The following SLIT3 variants were observed in gnomAD, a reference collection of about 807,000 sequenced individuals.
SLIT3 encodes slit homolog 3 protein.
SLIT3 carries 68 observed loss-of-function variants against 184.0 expected under a neutral mutation model. The ratio of observed to expected loss-of-function variants is 0.37; its 90% CI spans 0.30 to 0.45. The LOEUF is 0.45. SLIT3 is among the 20% of genes least tolerant of loss of function. SLIT3 has a pLI of 1.00. For synonymous variants in SLIT3, 831 were observed against 828.6 expected (o/e 1.00, Z -0.05); for missense variants, 1,707 against 2,026.0 (o/e 0.84, Z 3.02).
chr5:168,710,886 G>A lies in SLIT3; in HGVS notation c.2719+9C>T, dbSNP rs368724395. ...GGGCAGGGGAGGGTGGGGTGTGGGCGTCACCTACCTTTGCACTGGAAGCGG... is the reference window on the plus strand; with the variant it reads ...GGGCAGGGGAGGGTGGGGTGTGGGCATCACCTACCTTTGCACTGGAAGCGG... On this transcript the variant is annotated intron_variant, in intron 25 of 35. Coordinates refer to ENST00000519560, the MANE Select transcript of SLIT3 (RefSeq NM_003062.4). The A allele has an allele frequency of 3.7e-4, 564 of 1,513,874 alleles. 1 individual carries two copies. The African/African-American group carries it at 6.7e-3, about 18-fold the overall frequency. 93.8% of individuals were successfully genotyped at this position (1,513,874 alleles called of 1,614,324 possible).
intron 6 of SLIT3, 78 bp downstream of exon 6, chr5:168,844,506 C>A: frequency 7.5e-7 from 1 of 1,338,492 alleles, no homozygotes; most frequent in Non-Finnish European, 1.1e-6. Flanking sequence ...CTCTCCCCCT[C>A]TCTCCTCCCC....
intron 4 of SLIT3, among the ~76,000 whole-genome samples, chr5:169,158,744 C>T (rs1276559898): frequency 6.6e-6 from 1 of 152,058 alleles, no homozygotes; most frequent in East Asian, 1.9e-4. Context: ...AGTAAATTGT[C>T]AACACCAGTA....
intron 33 of SLIT3, among the ~76,000 whole-genome samples, 158 bp from the exon 34 acceptor site, chr5:168,671,641 C>T (rs1019400218): frequency 4.6e-5 from 7 of 152,214 alleles, no homozygotes; most frequent in African/African-American, 1.7e-4. Context: ...CTCCTCCATA[C>T]AGGGACGTGC....
At chr5:168,792,798 C>T (rs1026183341) in intron 10 of SLIT3, among the ~76,000 whole-genome samples, 4 of 152,108 alleles carry the variant, frequency 2.6e-5, no homozygotes, top group African/African-American at 9.7e-5. Flanking sequence ...GTTGAGTATC[C>T]CTAATCCAAA....
chr5:168,685,860 A>G lies in SLIT3; in HGVS notation c.3382T>C (p.Cys1128Arg), dbSNP rs1761727222. 6.2e-7 allele frequency: 1 copy of G among 1,613,682 alleles called. No homozygotes were observed. The highest frequency in any genetic ancestry group is 1.7e-5 in the Admixed American group (1 of 59,976). ...LQTSPCDQYE[C>R]QNGAQCIVVQ... ...ACGATGCACTGGGCCCCGTTCTGGC[A>G]CTCGTACTGGTCGCATGGGCTGGTC... The change falls in exon 31 of 36, where the codon TGC becomes CGC. Residue 1128 changes from cysteine to arginine, a missense_variant. Physicochemically the swap from Cys to Arg is radical, Grantham distance 180 (BLOSUM62 -3). Around this residue, in one of 3 missense-constraint regions of SLIT3, gnomAD observed 1,307 missense variants for 1,511.6 expected, o/e 0.86. Coordinates refer to ENST00000519560, the MANE Select transcript of SLIT3 (RefSeq NM_003062.4).
chr5:168,704,075 T>C (rs1318993846), intron 26 of SLIT3, among the ~76,000 whole-genome samples: 1 of 151,490 alleles, frequency 6.6e-6, no homozygotes, highest in Non-Finnish European at 1.5e-5. Flanking sequence ...CTAGTGGCAC[T>C]GGCATGTCCT....
At chr5:168,932,146 T>C (rs867979273) in intron 4 of SLIT3, among the ~76,000 whole-genome samples, 2 of 152,166 alleles carry the variant, frequency 1.3e-5, no homozygotes, top group Middle Eastern at 3.4e-3. Flanking sequence ...GGCTGCCATA[T>C]GCCAGGTGCT....
intron 7 of SLIT3, 35 bp downstream of exon 7, chr5:168,823,225 A>T: frequency 6.4e-7 from 1 of 1,557,776 alleles, no homozygotes; most frequent in East Asian, 2.2e-5. Context: ...TGAGGTAGGG[A>T]GAAAATGGGA....
chr5:169,193,606 T>C (rs951206459), intron 3 of SLIT3, 56 bp from the exon 4 acceptor site: 1 of 1,269,492 alleles, frequency 7.9e-7, no homozygotes, highest in African/African-American at 1.5e-5. Context: ...AGATCAAACG[T>C]ATTCAGATAC....
chr5:168,754,729 G>A (rs377345809), intron 16 of SLIT3, among the ~76,000 whole-genome samples: 13 of 152,162 alleles, frequency 8.5e-5, no homozygotes, highest in South Asian at 2.1e-4. Flanking sequence ...AAAATATCAC[G>A]TGTCCCATAA....
intron 12 of SLIT3, among the ~76,000 whole-genome samples, chr5:168,781,309 C>T (rs1355870142): frequency 6.6e-6 from 1 of 152,178 alleles, no homozygotes; most frequent in African/African-American, 2.4e-5. Flanking sequence ...TGGTGGCTTG[C>T]CCATTCCTTC....
At chr5:169,055,901 G>A (rs1757986705) in intron 4 of SLIT3, among the ~76,000 whole-genome samples, 2 of 152,048 alleles carry the variant, frequency 1.3e-5, no homozygotes, top group East Asian at 1.9e-4. Context: ...AACAGGGAGG[G>A]CTGTGTTGGC....
Position 169,151,266 on chromosome 5 carries a change from T to C in SLIT3, c.413+42213A>G, listed in dbSNP as rs1039820354. Reference sequence around the variant, plus strand: ...CATTAAATGCATCATTTGCAGCCCATTGCCGCCTGGGAGTGTATTTCCCTC... The same window carrying C: ...CATTAAATGCATCATTTGCAGCCCACTGCCGCCTGGGAGTGTATTTCCCTC... On this transcript the variant is annotated intron_variant, in intron 4 of 35. Coordinates refer to ENST00000519560, the MANE Select transcript of SLIT3 (RefSeq NM_003062.4). Among the ~76,000 whole-genome samples the C allele has an allele frequency of 3.9e-5, 6 of 152,282 alleles. No homozygotes were observed. The East Asian group carries it at 1.2e-3, about 29-fold the overall frequency.
chr5:168,725,284 G>C (rs1439826512), intron 20 of SLIT3, among the ~76,000 whole-genome samples: 1 of 152,190 alleles, frequency 6.6e-6, no homozygotes, highest in African/African-American at 2.4e-5. Context: ...AGAGACTCAA[G>C]TGTGGCTTAA....
In SLIT3 at chr5:168,844,566, A is replaced by C; in HGVS notation, c.557+18T>G. 6.2e-7 allele frequency: 1 copy of C among 1,613,312 alleles called. No homozygotes were observed. Among genetic ancestry groups the C allele is most frequent in the South Asian group, 1.1e-5 (1 of 91,074 alleles). ...ACATGCACGCACACACAAGGCAGCG[A>C]TCGCAAAATCAACTCACAGGATCTC... On this transcript the variant is annotated intron_variant, in intron 6 of 35. Transcript: ENST00000519560.
In SLIT3 at chr5:168,708,059, G is replaced by C. The variant is rs774614183; in HGVS notation, c.2761C>G (p.Leu921Val). ...INIVAKCNAC[L>V]SSPCKNNGTC... The stretch of plus-strand genomic sequence containing the variant: ...CCGTTATTCTTGCACGGGCTGGAGA[G>C]GCAGGCATTGCATTTGGCCACAATG... The change falls in exon 26 of 36, where the codon CTC (leucine) becomes GTC (valine). Residue 921 changes from leucine to valine, a missense_variant. Physicochemically the swap from Leu to Val is conservative, Grantham distance 32. Transcript: ENST00000519560. The C allele has an allele frequency of 6.2e-7, 1 of 1,614,226 alleles. No individual in the cohort carries two copies. Among genetic ancestry groups the C allele is most frequent in the Non-Finnish European group, 8.5e-7 (1 of 1,180,046 alleles).
chr5:169,152,230 T>C (rs1393795020), intron 4 of SLIT3, among the ~76,000 whole-genome samples: 3 of 152,262 alleles, frequency 2.0e-5, no homozygotes, highest in South Asian at 4.2e-4. Context: ...CAAATTTAAA[T>C]TGAGCAAATT....
chr5:168,838,093 C>A (rs72827681), intron 6 of SLIT3, among the ~76,000 whole-genome samples: 1 of 152,214 alleles, frequency 6.6e-6, no homozygotes, highest in Non-Finnish European at 1.5e-5. Flanking sequence ...GCATTCACTA[C>A]AGATAATGAT....
intron 14 of SLIT3, among the ~76,000 whole-genome samples, chr5:168,768,863 T>C (rs17553555): frequency 0.076 from 11,494 of 152,216 alleles, 491 homozygotes; most frequent in Non-Finnish European, 0.092. Flanking sequence ...TCATCCCAGA[T>C]CATTTGAGGT....
Sources: allele counts gnomAD v4.1 joint callset (sites outside exome capture counted in the v4.1 genomes callset), GRCh38; gene constraint gnomAD v4.1.1; regional missense constraint gnomAD v4.1.1; transcripts MANE v1.5; gene names NCBI Gene and HGNC (gene_info 2026-07-23, HGNC 2026-07-21).